The following CDK5RAP2 variants were observed in gnomAD, a reference collection of about 807,000 sequenced individuals.
CDK5RAP2 encodes CDK5 regulatory subunit-associated protein 2.
CDK5RAP2 carries 147 observed loss-of-function variants against 232.9 expected under a neutral mutation model. The observed-to-expected ratio is 0.63, with a 90% CI of 0.55 to 0.72. CDK5RAP2 has a LOEUF of 0.72. Among genes scored for constraint, CDK5RAP2 ranks in the 30% least tolerant of loss-of-function variants. The pLI is 0.00. For missense variants in CDK5RAP2, 2,195 were observed against 2,231.5 expected, an observed-to-expected ratio of 0.98 and a Z score of 0.33; for synonymous variants, 833 against 833.7, an observed-to-expected ratio of 1.00 and a Z score of 0.01.
chr9:120,449,609 A>T (rs2036377150), intron 21 of CDK5RAP2, among the ~76,000 whole-genome samples: 1 of 152,202 alleles, frequency 6.6e-6, no homozygotes, highest in African/African-American at 2.4e-5. Context: ...AATTTTAAAC[A>T]TTCAAAAGCT....
At chr9:120,539,695 A>G (rs535352557) in intron 5 of CDK5RAP2, among the ~76,000 whole-genome samples, 99 of 152,366 alleles carry the variant, frequency 6.5e-4, no homozygotes, top group Admixed American at 6.3e-3. Flanking sequence ...TGTTTACTGT[A>G]ATAAGTAATG....
At chr9:120,479,485 G>A (rs2038192398) in intron 14 of CDK5RAP2, among the ~76,000 whole-genome samples, 1 of 152,184 alleles carries the variant, frequency 6.6e-6, no homozygotes, top group African/African-American at 2.4e-5. Flanking sequence ...TCTTGATAAA[G>A]TTATCAAAGT....
chr9:120,447,220 G>A (rs2036241723), intron 22 of CDK5RAP2, among the ~76,000 whole-genome samples: 1 of 152,190 alleles, frequency 6.6e-6, no homozygotes, highest in African/African-American at 2.4e-5. Context: ...GATGTAAAAT[G>A]CTACTTATAT....
At chr9:120,518,208 T>TGAGA (rs1229355233) in intron 12 of CDK5RAP2, among the ~76,000 whole-genome samples, 3 of 111,396 alleles carry the variant, frequency 2.7e-5, no homozygotes, top group African/African-American at 1.3e-4. Flanking sequence ...TGTGTGTGTG[T>TGAGA]GTGAGAGAGA....
At chr9:120,525,263 A>G (rs1475628879) in intron 10 of CDK5RAP2, among the ~76,000 whole-genome samples, 185 bp from the exon 11 acceptor site, 1 of 152,170 alleles carries the variant, frequency 6.6e-6, no homozygotes, top group Non-Finnish European at 1.5e-5. Context: ...GGTACTTAAC[A>G]TCTTTGAGAC....
intron 27 of CDK5RAP2, among the ~76,000 whole-genome samples, chr9:120,416,347 G>T (rs2034218138): frequency 6.6e-6 from 1 of 152,174 alleles, no homozygotes; most frequent in South Asian, 2.1e-4. Flanking sequence ...TGCTAGACCA[G>T]CTCAAAAACT....
chr9:120,517,716 A>G (rs2040400251), intron 12 of CDK5RAP2: 2 of 177,694 alleles, frequency 1.1e-5, no homozygotes, highest in Admixed American at 1.1e-4. Flanking sequence ...TCTATACAAC[A>G]GTCCTTAAAA....
chr9:120,474,576 G>C (rs929061546), intron 15 of CDK5RAP2, among the ~76,000 whole-genome samples: 2 of 152,210 alleles, frequency 1.3e-5, no homozygotes, highest in African/African-American at 4.8e-5. Context: ...GATGGGGAGT[G>C]TATCAGCAAG....
intron 25 of CDK5RAP2, among the ~76,000 whole-genome samples, chr9:120,427,407 A>G (rs576786342): frequency 2.0e-5 from 3 of 152,312 alleles, no homozygotes; most frequent in Middle Eastern, 3.4e-3. Flanking sequence ...AAACATCTCT[A>G]TAAGACAGGT....
intron 14 of CDK5RAP2, among the ~76,000 whole-genome samples, chr9:120,483,185 C>T (rs1448246130): frequency 1.3e-5 from 2 of 152,216 alleles, no homozygotes; most frequent in African/African-American, 2.4e-5. Flanking sequence ...GGCTCTGCGA[C>T]GTGTTCTCCA....
rs2034369689 is a variant in CDK5RAP2, at chr9:120,418,477, T to G, written c.4177+1311A>C. 4.6e-5 allele frequency among the ~76,000 whole-genome samples: 7 copies of G among 152,316 alleles called. 1 individual carries two copies. The South Asian group carries it at 1.4e-3, about 32-fold the overall frequency. ...TTCCTTCTGGTTCCTCAATCAAGTC[T>G]GCACAAAGTCCTCGTGGGAGTGGTC... On this transcript the variant is annotated intron_variant, in intron 27 of 37. Coordinates refer to ENST00000349780, the MANE Select transcript of CDK5RAP2 (RefSeq NM_018249.6).
intron 15 of CDK5RAP2, among the ~76,000 whole-genome samples, chr9:120,476,678 C>CAAAA (rs553428055): frequency 1.2e-5 from 1 of 85,732 alleles, no homozygotes; most frequent in African/African-American, 4.3e-5. Flanking sequence ...GACTCCATCT[C>CAAAA]AAAAAAAAAA....
intron 22 of CDK5RAP2, among the ~76,000 whole-genome samples, chr9:120,445,324 C>A (rs906204827): frequency 1.3e-5 from 2 of 152,184 alleles, no homozygotes; most frequent in East Asian, 3.8e-4. Flanking sequence ...AAGATACCAC[C>A]AACGACCCCA....
chr9:120,527,968 A>C (rs759837704), intron 9 of CDK5RAP2, 43 bp from the exon 10 acceptor site: 9 of 1,610,560 alleles, frequency 5.6e-6, no homozygotes, highest in Non-Finnish European at 7.6e-6. Context: ...GATGCGTTCC[A>C]ACCAAAATGC....
intron 3 of CDK5RAP2, among the ~76,000 whole-genome samples, chr9:120,558,268 G>C (rs996688732): frequency 2.1e-5 from 3 of 145,298 alleles, no homozygotes; most frequent in African/African-American, 7.6e-5. Context: ...AGCTACTCCG[G>C]AGGCTGAGGC....
intron 18 of CDK5RAP2, 127 bp from the exon 19 acceptor site, chr9:120,460,794 A>C (rs2037045230): frequency 6.8e-7 from 1 of 1,469,802 alleles, no homozygotes; most frequent in Non-Finnish European, 9.2e-7. Flanking sequence ...AAAGAGGAAG[A>C]AACAAATGCC....
At chr9:120,512,744 A>AACG (rs1290102062) in intron 12 of CDK5RAP2, among the ~76,000 whole-genome samples, 11 of 152,238 alleles carry the variant, frequency 7.2e-5, no homozygotes, top group African/African-American at 2.7e-4. Context: ...CCTTCTATGT[A>AACG]ACGACGGCTG....
Position 120,408,405 on chromosome 9 carries a change from A to G in CDK5RAP2, c.4668T>C (p.Ser1556=). The change falls in exon 31 of 38, where the codon TCT becomes TCC. Residue 1556 remains serine (S), a synonymous_variant. Coordinates refer to ENST00000349780, the MANE Select transcript of CDK5RAP2 (RefSeq NM_018249.6). Reference sequence around the variant, plus strand: ...CATACGCCTTCAGCTCCACTCGGAGAGACTGCAATAGCTTGTCATTCTGTG... The same window carrying G: ...CATACGCCTTCAGCTCCACTCGGAGGGACTGCAATAGCTTGTCATTCTGTG... ...LLSQNDKLLQ[S]LRVELKAYEK... is the part of the protein sequence containing the mutation. 6.2e-7 allele frequency: 1 copy of G among 1,614,142 alleles called. No homozygotes were observed. Among genetic ancestry groups the G allele is most frequent in the East Asian group, 2.2e-5 (1 of 44,886 alleles).
chr9:120,389,225 G>GA lies in CDK5RAP2; in HGVS notation c.*10dup. 1 of 1,610,498 alleles carries GA rather than the reference G, an allele frequency of 6.2e-7. No individual in the cohort carries two copies. Among genetic ancestry groups the GA allele is most frequent in the Non-Finnish European group, 8.5e-7 (1 of 1,177,974 alleles). On this transcript the variant is annotated 3_prime_UTR_variant, in exon 38 of 38. Coordinates refer to ENST00000349780, the MANE Select transcript of CDK5RAP2 (RefSeq NM_018249.6). Reference sequence around the variant, plus strand: ...GGGGGAAGCACAAGCTTTATTGGCTGAAAGTTCTTCTCAGGAGCCTGGTCT... The same window carrying GA: ...GGGGGAAGCACAAGCTTTATTGGCTGAAAAGTTCTTCTCAGGAGCCTGGTCT...
Sources: allele counts gnomAD v4.1 joint callset (sites outside exome capture counted in the v4.1 genomes callset), GRCh38; gene constraint gnomAD v4.1.1; transcripts MANE v1.5; gene names NCBI Gene and HGNC (gene_info 2026-07-23, HGNC 2026-07-21).